FSTL3: variants seen among roughly 807,000 people sequenced by gnomAD.
FSTL3 encodes follistatin-related protein 3.
A neutral mutation model predicts 28.1 loss-of-function variants in FSTL3; 21 were observed. The ratio of observed to expected loss-of-function variants is 0.75; its 90% CI spans 0.53 to 1.08. FSTL3 has a LOEUF of 1.08. Ranked by LOEUF, FSTL3 falls within the 50% of genes least tolerant of loss-of-function variation. FSTL3 has a pLI of 0.00. For missense variants in FSTL3, 400 were observed against 380.9 expected (o/e 1.05, Z -0.42); for synonymous variants, 199 against 164.2 (o/e 1.21, Z -1.62).
chr19:680,218 C>A, intron 2 of FSTL3, 56 bp from the exon 3 acceptor site: 1 of 1,179,054 alleles, frequency 8.5e-7, no homozygotes, highest in Non-Finnish European at 1.1e-6. Context: ...CTTCGCGCGG[C>A]CCCACGCCCG....
intron 3 of FSTL3, chr19:680,845 A>G (rs12986335): frequency 0.59 from 135,270 of 230,436 alleles, 40,645 homozygotes; most frequent in Non-Finnish European, 0.63. Flanking sequence ...GATTTGGAAA[A>G]TAGTGGGCCT....
In FSTL3 at chr19:683,266, G is replaced by A. The variant is rs190017883; in HGVS notation, c.*1558G>A. The A allele has an allele frequency of 3.4e-3, 796 of 232,562 alleles. 5 individuals carry two copies. The highest frequency in any genetic ancestry group is 9.1e-3 in the Middle Eastern group (7 of 770). 14.4% of individuals were successfully genotyped at this position (232,562 alleles called of 1,614,324 possible). ...CTCCTCCAGCCTCCTCCAGCCCCCA[G>A]GCAGTGCCTTACCTGTGGTGCCCAG... On this transcript the variant is annotated 3_prime_UTR_variant, in exon 5 of 5. Transcript: ENST00000166139.
chr19:676,420 C>G lies in FSTL3; in HGVS notation c.-4C>G. The G allele has an allele frequency of 8.6e-7, 1 of 1,163,072 alleles. No individual in the cohort carries two copies. Among genetic ancestry groups the G allele is most frequent in the South Asian group, 3.4e-5 (1 of 29,270 alleles). 72.0% of individuals were successfully genotyped at this position (1,163,072 alleles called of 1,614,324 possible). A position where few individuals can be genotyped will look rare whatever the true frequency, so the allele number is the denominator to read the frequency against. On this transcript the variant is annotated 5_prime_UTR_variant, in exon 1 of 5. Coordinates refer to ENST00000166139, the MANE Select transcript of FSTL3 (RefSeq NM_005860.3). ...TCGGTGCCGCTGCCGTCTCTGCGTT[C>G]GCCATGCGTCCCGGGGCGCCAGGGC...
chr19:676,665 G>A (rs1214227666), intron 1 of FSTL3, 139 bp downstream of exon 1: 1 of 296,790 alleles, frequency 3.4e-6, no homozygotes, highest in Non-Finnish European at 6.2e-6. Context: ...GAGCCGGGAA[G>A]GTCTGAAGGA....
At chr19:679,470 C>G (rs1458203607) in intron 2 of FSTL3, among the ~76,000 whole-genome samples, 1 of 152,218 alleles carries the variant, frequency 6.6e-6, no homozygotes, top group East Asian at 1.9e-4. Flanking sequence ...TACCAGACCC[C>G]CAGATAACAG....
intron 3 of FSTL3, chr19:680,769 G>T (rs530459878): frequency 1.2e-5 from 4 of 335,336 alleles, no homozygotes; most frequent in African/African-American, 4.3e-5. Flanking sequence ...TGGCGGTGGG[G>T]CCTGAGTAAG....
At chr19:676,618 CGGCGGCGGG>C (rs1032755980) in intron 1 of FSTL3, 92 bp downstream of exon 1, 49 of 352,958 alleles carry the variant, frequency 1.4e-4, no homozygotes, top group East Asian at 4.2e-4. Context: ...GGCGCGGCGG[CGGCGGCGGG>C]GGCGAGGGCG....
chr19:678,655 C>T (rs891144255), intron 2 of FSTL3, among the ~76,000 whole-genome samples: 1 of 151,882 alleles, frequency 6.6e-6, no homozygotes, highest in African/African-American at 2.4e-5. Context: ...GGACTGCAGG[C>T]GCGCGCCACC....
chr19:679,877 G>A (rs2031287902), intron 2 of FSTL3, among the ~76,000 whole-genome samples: 1 of 152,206 alleles, frequency 6.6e-6, no homozygotes, highest in Non-Finnish European at 1.5e-5. Context: ...ACCCCAGGCT[G>A]ACGCAGCTGG....
In FSTL3 at chr19:683,302, C is replaced by T; in HGVS notation, c.*1594C>T. On this transcript the variant is annotated 3_prime_UTR_variant, in exon 5 of 5. Transcript: ENST00000166139. ...ACCTGTGGTGCCCAGAAAAGTGCCCCTAGGTTGGTGGGTCTACAGGAGCCT... is the reference window on the plus strand; with the variant it reads ...ACCTGTGGTGCCCAGAAAAGTGCCCTTAGGTTGGTGGGTCTACAGGAGCCT... 1 of 229,548 alleles carries T rather than the reference C, an allele frequency of 4.4e-6. No individual in the cohort carries two copies. The allele number at this position is 229,548 out of a possible 1,614,324, so 14.2% of individuals were successfully genotyped here.
At chr19:678,108 C>T (rs961786415) in intron 2 of FSTL3, 131 bp downstream of exon 2, 14 of 823,208 alleles carry the variant, frequency 1.7e-5, no homozygotes, top group Non-Finnish European at 2.6e-5. Flanking sequence ...GCAGGGGGAT[C>T]CCAGCCTCAG....
At chr19:678,133 G>A (rs927514137) in intron 2 of FSTL3, 156 bp downstream of exon 2, 5 of 676,502 alleles carry the variant, frequency 7.4e-6, no homozygotes, top group African/African-American at 5.4e-5. Context: ...GGACTGGGGG[G>A]ACTTCCCGGT....
At chr19:680,547 A>C (rs1377370745) in intron 3 of FSTL3, 58 bp downstream of exon 3, 15 of 641,506 alleles carry the variant, frequency 2.3e-5, no homozygotes, top group South Asian at 6.5e-5. Context: ...CCTGCGCGTC[A>C]TGTATCGAGG....
rs1309744363 is a variant in FSTL3, at chr19:680,437, G to A, written c.453G>A (p.Ala151=). The change falls in exon 3 of 5, where the codon GCG becomes GCA. Residue 151 remains alanine, a synonymous_variant. Transcript: ENST00000166139. ...TYRDECELRA[A]RCRGHPDLSV... ...GCGACGAGTGCGAGCTGCGCGCCGC[G>A]CGCTGCCGCGGCCACCCGGACCTGA... The A allele has an allele frequency of 2.4e-6, 3 of 1,265,004 alleles. No individual in the cohort carries two copies. Among genetic ancestry groups the A allele is most frequent in the African/African-American group, 1.6e-5 (1 of 64,502 alleles). 78.4% of individuals were successfully genotyped at this position (1,265,004 alleles called of 1,614,324 possible). A position where few individuals can be genotyped will look rare whatever the true frequency, so the allele number is the denominator to read the frequency against.
intron 2 of FSTL3, among the ~76,000 whole-genome samples, chr19:678,375 T>G (rs910371515): frequency 6.6e-6 from 1 of 152,196 alleles, no homozygotes; most frequent in Non-Finnish European, 1.5e-5. Flanking sequence ...TACAGCTGCA[T>G]GTTTAACAAG....
intron 1 of FSTL3, among the ~76,000 whole-genome samples, chr19:677,178 T>TG (rs965037597): frequency 8.6e-5 from 13 of 151,698 alleles, no homozygotes; most frequent in African/African-American, 2.4e-4. Flanking sequence ...GGGGAAGAAA[T>TG]GGGGGGCTCT....
chr19:680,602 C>A, intron 3 of FSTL3, 113 bp downstream of exon 3: 1 of 496,090 alleles, frequency 2.0e-6, no homozygotes, highest in Non-Finnish European at 2.9e-6. Context: ...CGGGACCACC[C>A]GGACCTGAGC....
chr19:681,794 C>A lies in FSTL3; in HGVS notation c.*86C>A. The stretch of plus-strand genomic sequence containing the variant: ...GCCACAGCAGAGTCTAATTTATATG[C>A]CACGGACACTCCTTAGAGCCCGGAT... On this transcript the variant is annotated 3_prime_UTR_variant, in exon 5 of 5. Coordinates refer to ENST00000166139, the MANE Select transcript of FSTL3 (RefSeq NM_005860.3). 1.7e-6 allele frequency: 2 copies of A among 1,160,870 alleles called. No homozygotes were observed. Among genetic ancestry groups the A allele is most frequent in the African/African-American group, 1.5e-5 (1 of 65,590 alleles). The allele number at this position is 1,160,870 out of a possible 1,614,324, so 71.9% of individuals were successfully genotyped here.
chr19:680,880 G>T (rs945032823), intron 3 of FSTL3: 1 of 240,668 alleles, frequency 4.2e-6, no homozygotes, highest in Admixed American at 5.0e-5. Flanking sequence ...TGGGCAAGAG[G>T]TATGTGGCAT....
Sources: allele counts gnomAD v4.1 joint callset (sites outside exome capture counted in the v4.1 genomes callset), GRCh38; gene constraint gnomAD v4.1.1; transcripts MANE v1.5; gene names NCBI Gene and HGNC (gene_info 2026-07-23, HGNC 2026-07-21).